The following PTPRT variants were observed in gnomAD, a reference collection of about 807,000 sequenced individuals.
PTPRT encodes receptor-type tyrosine-protein phosphatase T.
A neutral mutation model predicts 176.8 loss-of-function variants in PTPRT; 56 were observed. That is an observed-to-expected ratio of 0.32 (90% CI 0.26 to 0.40). The LOEUF is 0.40. Ranked by LOEUF, PTPRT falls within the 10% of genes least tolerant of loss-of-function variation. The pLI is 1.00. For synonymous variants in PTPRT, 783 were observed against 739.0 expected (o/e 1.06, Z -0.96); for missense variants, 1,540 against 1,908.2 (o/e 0.81, Z 3.60).
At chr20:42,305,455 G>C (rs2057532308) in intron 12 of PTPRT, among the ~76,000 whole-genome samples, 1 of 151,950 alleles carries the variant, frequency 6.6e-6, no homozygotes, top group Non-Finnish European at 1.5e-5. Context: ...AAATATTTAT[G>C]TGTATATGCA....
At chr20:42,391,758 G>A (rs749070186) in intron 9 of PTPRT, among the ~76,000 whole-genome samples, 1 of 152,172 alleles carries the variant, frequency 6.6e-6, no homozygotes, top group African/African-American at 2.4e-5. Flanking sequence ...ATTATGTCTT[G>A]CCCCTGGTGT....
intron 8 of PTPRT, among the ~76,000 whole-genome samples, chr20:42,466,080 C>A (rs2071097672): frequency 6.6e-6 from 1 of 152,180 alleles, no homozygotes; most frequent in Non-Finnish European, 1.5e-5. Context: ...CCAGCTCCAT[C>A]CATGTTCCTG....
chr20:42,308,321 T>C (rs2057576034), intron 12 of PTPRT, among the ~76,000 whole-genome samples: 1 of 152,058 alleles, frequency 6.6e-6, no homozygotes, highest in Non-Finnish European at 1.5e-5. Context: ...TCCGGACCCC[T>C]TTCCAGTGAC....
At chr20:42,924,206 C>T (rs1272835861) in intron 1 of PTPRT, among the ~76,000 whole-genome samples, 1 of 152,112 alleles carries the variant, frequency 6.6e-6, no homozygotes, top group Non-Finnish European at 1.5e-5. Flanking sequence ...ATTCCCATAT[C>T]ATGACTTTTA....
intron 7 of PTPRT, among the ~76,000 whole-genome samples, chr20:42,477,830 T>G (rs2071317427): frequency 6.6e-6 from 1 of 152,202 alleles, no homozygotes; most frequent in Non-Finnish European, 1.5e-5. Context: ...TACCTCTGGA[T>G]GCACCTTCTG....
intron 7 of PTPRT, among the ~76,000 whole-genome samples, chr20:42,648,820 G>GTTTTTTTTTTTTTTT (rs68036487): frequency 4.5e-5 from 5 of 111,826 alleles, no homozygotes; most frequent in African/African-American, 1.9e-4. Flanking sequence ...TGGTGTCGTT[G>GTTTTTTTTTTTTTTT]TTTTTTTTTT....
At chr20:42,100,435 C>T (rs925252655) in intron 26 of PTPRT, among the ~76,000 whole-genome samples, 18 of 152,268 alleles carry the variant, frequency 1.2e-4, no homozygotes, top group East Asian at 1.9e-4. Flanking sequence ...CAGATAAGGA[C>T]GACTTTTTTT....
chr20:42,872,386 G>A (rs1310652948), intron 2 of PTPRT, among the ~76,000 whole-genome samples: 2 of 152,228 alleles, frequency 1.3e-5, no homozygotes, highest in Non-Finnish European at 2.9e-5. Context: ...GCTCTGCAAG[G>A]ATGCGTGAGA....
intron 1 of PTPRT, among the ~76,000 whole-genome samples, chr20:43,124,144 G>A (rs2013361781): frequency 6.6e-6 from 1 of 152,100 alleles, no homozygotes. Flanking sequence ...TTCCATCCAG[G>A]TCATTCTTTA....
intron 2 of PTPRT, among the ~76,000 whole-genome samples, chr20:42,863,222 G>A (rs1026008505): frequency 6.6e-6 from 1 of 152,190 alleles, no homozygotes; most frequent in Non-Finnish European, 1.5e-5. Context: ...TAGTTATATT[G>A]GTAGAAAAGA....
chr20:42,450,821 C>T (rs539771847), intron 8 of PTPRT, among the ~76,000 whole-genome samples: 6 of 152,210 alleles, frequency 3.9e-5, no homozygotes, highest in South Asian at 2.1e-4. Context: ...CATGGTAAAG[C>T]TTGTATTCTG....
chr20:42,265,029 T>A (rs1178410761), intron 13 of PTPRT, among the ~76,000 whole-genome samples: 2 of 152,232 alleles, frequency 1.3e-5, no homozygotes, highest in Non-Finnish European at 2.9e-5. Flanking sequence ...AAGATCATTA[T>A]AATGATGGCA....
rs1568835112 is a variant in PTPRT, at chr20:43,189,345, C to T, written c.88+301G>A. On this transcript the variant is annotated intron_variant, in intron 1 of 30. Transcript: ENST00000373187. This position sits in a 1 kb window ranked among gnomAD's most constrained non-coding sequence, Gnocchi z 5.0. ...GCAGATTCCGACAAGTGGGAGGCAG[C>T]AAGTGGAAATATTCGCAACAACCGC... Among the ~76,000 whole-genome samples the T allele has an allele frequency of 6.6e-6, 1 of 152,174 alleles. No homozygotes were observed. Among genetic ancestry groups the T allele is most frequent in the Non-Finnish European group, 1.5e-5 (1 of 68,030 alleles).
intron 7 of PTPRT, among the ~76,000 whole-genome samples, chr20:42,562,474 A>C (rs771989102): frequency 1.3e-5 from 2 of 152,260 alleles, no homozygotes; most frequent in Non-Finnish European, 2.9e-5. Context: ...CCACTGTAGC[A>C]GTACAATACA....
intron 1 of PTPRT, among the ~76,000 whole-genome samples, chr20:43,154,808 A>G (rs2146428416): frequency 6.6e-6 from 1 of 152,324 alleles, no homozygotes; most frequent in South Asian, 2.1e-4. Flanking sequence ...TACATCTGAT[A>G]AGGGGTTAAT....
chr20:42,452,453 T>G (rs1386797349), intron 8 of PTPRT, among the ~76,000 whole-genome samples: 2 of 152,096 alleles, frequency 1.3e-5, no homozygotes, highest in Non-Finnish European at 2.9e-5. Context: ...TGAAGTGTCC[T>G]AATGGCTCTG....
At chr20:42,162,081 A>G (rs1487474048) in intron 16 of PTPRT, among the ~76,000 whole-genome samples, 2 of 152,030 alleles carry the variant, frequency 1.3e-5, no homozygotes, top group Non-Finnish European at 2.9e-5. Context: ...AATTGGGGCT[A>G]GTCTTGGACT....
chr20:42,285,345 A>ATATATATTTG (rs1206384117), intron 12 of PTPRT, among the ~76,000 whole-genome samples: 4 of 152,042 alleles, frequency 2.6e-5, no homozygotes, highest in African/African-American at 9.7e-5. Context: ...AACAACAACA[A>ATATATATTTG]AAAAAGATTT....
intron 9 of PTPRT, among the ~76,000 whole-genome samples, chr20:42,388,575 G>C (rs995682331): frequency 3.3e-5 from 5 of 152,208 alleles, no homozygotes; most frequent in Non-Finnish European, 5.9e-5. Context: ...ACCACAATGA[G>C]ATACCATCTC....
Sources: gnomAD v4.1 joint callset for allele counts (sites outside exome capture counted in the v4.1 genomes callset) on GRCh38, gnomAD v4.1.1 for gene constraint, Gnocchi (gnomAD v3.1) non-coding constraint, MANE v1.5 for transcripts, NCBI Gene and HGNC (gene_info 2026-07-23, HGNC 2026-07-21) for gene names.